DNAAF4: variants seen among roughly 807,000 people sequenced by gnomAD.
The protein encoded by DNAAF4 is dynein assembly factor 4, axonemal.
DNAAF4 carries 43 observed loss-of-function variants against 51.8 expected under a neutral mutation model. The observed-to-expected ratio is 0.83, with a 90% CI of 0.65 to 1.07. The LOEUF is 1.07. Among genes scored for constraint, DNAAF4 ranks in the 50% least tolerant of loss-of-function variants. The probability of loss-of-function intolerance (pLI) is 0.00; values close to 1 mark genes in which losing one functional copy is unlikely to be tolerated. For missense variants in DNAAF4, 581 were observed against 493.0 expected, an observed-to-expected ratio of 1.18 and a Z score of -1.69; for synonymous variants, 194 against 165.6, an observed-to-expected ratio of 1.17 and a Z score of -1.32.
At chr15:55,418,545 T>C in intron 7 of DNAAF4, 1 of 1,489,678 alleles carries the variant, frequency 6.7e-7, no homozygotes, top group Non-Finnish European at 9.0e-7. Context: ...ACTCTTGATT[T>C]TCCTAATATT....
At chr15:55,483,844 T>A (rs961541842) in intron 4 of DNAAF4, among the ~76,000 whole-genome samples, 1,039 of 65,200 alleles carry the variant, frequency 0.016, 63 homozygotes, top group African/African-American at 0.031. Flanking sequence ...TTTTTTTTTT[T>A]TTTTTTTTTT....
At chr15:55,418,166 A>AT in intron 7 of DNAAF4, 1 of 1,562,882 alleles carries the variant, frequency 6.4e-7, no homozygotes, top group African/African-American at 1.4e-5. Flanking sequence ...ACTGAATTAA[A>AT]TTTTTTTTTT....
At chr15:55,485,284 T>C (rs11629771) in intron 4 of DNAAF4, among the ~76,000 whole-genome samples, 37,256 of 152,006 alleles carry the variant, frequency 0.25, 5,699 homozygotes, top group Non-Finnish European at 0.35. Flanking sequence ...AAAAGAAAGA[T>C]GGGAGGATTT....
intron 4 of DNAAF4, among the ~76,000 whole-genome samples, chr15:55,485,182 C>T (rs192097537): frequency 2.6e-5 from 4 of 152,010 alleles, no homozygotes; most frequent in African/African-American, 7.3e-5. Flanking sequence ...GCTCTAAGAA[C>T]GGGTTTATGG....
At chr15:55,462,841 A>G (rs771402754) in intron 5 of DNAAF4, among the ~76,000 whole-genome samples, 1 of 152,192 alleles carries the variant, frequency 6.6e-6, no homozygotes, top group Non-Finnish European at 1.5e-5. Flanking sequence ...ACAGAAGTCA[A>G]AACAAAAATC....
At chr15:55,493,483 C>T (rs753717637) in intron 3 of DNAAF4, among the ~76,000 whole-genome samples, 8 of 151,954 alleles carry the variant, frequency 5.3e-5, no homozygotes, top group African/African-American at 1.7e-4. Context: ...TCAGCTTCAG[C>T]GGCAGAAATA....
intron 1 of DNAAF4, among the ~76,000 whole-genome samples, chr15:55,504,497 C>T (rs2141614451): frequency 6.6e-6 from 1 of 152,274 alleles, no homozygotes; most frequent in South Asian, 2.1e-4. Context: ...AAGCTGGAGG[C>T]ATTACACTAC....
At position 55,498,304 on chromosome 15, in the gene DNAAF4, C is replaced by A. The variant is rs369317160; in HGVS notation, c.26G>T (p.Ser9Ile). The A allele has an allele frequency of 6.2e-7, 1 of 1,612,602 alleles. No individual in the cohort carries two copies. Among genetic ancestry groups the A allele is most frequent in the East Asian group, 2.2e-5 (1 of 44,706 alleles). Residue 9 changes from serine (S) to isoleucine (I), a missense_variant, in exon 2 of 10, where the codon AGC (serine) becomes ATC (isoleucine). Coordinates refer to ENST00000321149, the MANE Select transcript of DNAAF4 (RefSeq NM_130810.4). ...GACCGCAGTCTTCGTCTGCTGCCAGCTGTAATCGCTAACCTGAAGAGGCAT... is the reference window on the plus strand; with the variant it reads ...GACCGCAGTCTTCGTCTGCTGCCAGATGTAATCGCTAACCTGAAGAGGCAT... MPLQVSDY[S>I]WQQTKTAVFL...
chr15:55,433,874 AT>A (rs2057545191), intron 8 of DNAAF4, among the ~76,000 whole-genome samples: 2 of 29,846 alleles, frequency 6.7e-5, no homozygotes, highest in Admixed American at 1.3e-3. Flanking sequence ...TATTATATAT[AT>A]TACATATATT....
downstream of DNAAF4, among the ~76,000 whole-genome samples, chr15:55,428,351 T>C (rs2057451025): frequency 6.6e-6 from 1 of 152,172 alleles, no homozygotes; most frequent in Non-Finnish European, 1.5e-5. Context: ...GGACTGTCAC[T>C]GTCTTTGTTT....
intron 3 of DNAAF4, among the ~76,000 whole-genome samples, chr15:55,494,443 G>A (rs982860554): frequency 5.3e-5 from 8 of 151,650 alleles, no homozygotes; most frequent in South Asian, 4.2e-4. Flanking sequence ...ATGGAGTCTC[G>A]CTCTGTTGCG....
intron 5 of DNAAF4, 86 bp downstream of exon 5, chr15:55,466,844 C>T: frequency 6.7e-7 from 1 of 1,496,844 alleles, no homozygotes; most frequent in Non-Finnish European, 9.0e-7. Context: ...TAACCTAATG[C>T]TGTGAATAGA....
chr15:55,456,811 T>C (rs1028529139), intron 5 of DNAAF4, among the ~76,000 whole-genome samples: 1 of 152,188 alleles, frequency 6.6e-6, no homozygotes, highest in Non-Finnish European at 1.5e-5. Flanking sequence ...TTTAGGTAGC[T>C]GAGCAAAATA....
chr15:55,483,306 A>G (rs1003918524), intron 4 of DNAAF4, among the ~76,000 whole-genome samples: 2 of 151,780 alleles, frequency 1.3e-5, no homozygotes, highest in African/African-American at 4.8e-5. Flanking sequence ...CATATTGGCC[A>G]GGCTGGTCTC....
intron 4 of DNAAF4, among the ~76,000 whole-genome samples, chr15:55,468,009 A>G (rs537372562): frequency 2.0e-5 from 3 of 152,316 alleles, no homozygotes; most frequent in Admixed American, 2.0e-4. Flanking sequence ...TACTTCAATG[A>G]TCAAAATGTC....
intron 7 of DNAAF4, 63 bp from the exon 8 acceptor site, chr15:55,435,121 A>G (rs2057586555): frequency 2.0e-6 from 3 of 1,499,728 alleles, no homozygotes; most frequent in Non-Finnish European, 1.8e-6. Flanking sequence ...CAGAAATAAT[A>G]TCTAATTGTA....
intron 4 of DNAAF4, among the ~76,000 whole-genome samples, chr15:55,488,967 T>C (rs928214914): frequency 7.9e-5 from 12 of 151,960 alleles, no homozygotes; most frequent in African/African-American, 2.7e-4. Flanking sequence ...CAGGCACCTG[T>C]AGTCCCACCT....
intron 6 of DNAAF4, among the ~76,000 whole-genome samples, chr15:55,449,447 G>A (rs1169543433): frequency 6.7e-6 from 1 of 149,794 alleles, no homozygotes; most frequent in Non-Finnish European, 1.5e-5. Context: ...TGGATCGCCT[G>A]AGGTCAGGAG....
intron 4 of DNAAF4, among the ~76,000 whole-genome samples, chr15:55,488,939 A>G (rs1033150030): frequency 6.6e-6 from 1 of 152,042 alleles, no homozygotes; most frequent in Non-Finnish European, 1.5e-5. Context: ...ATACAAAAAA[A>G]TTAGCCAGGC....
Sources: gnomAD v4.1 joint callset for allele counts (sites outside exome capture counted in the v4.1 genomes callset) on GRCh38, gnomAD v4.1.1 for gene constraint, MANE v1.5 for transcripts, NCBI Gene and HGNC (gene_info 2026-07-23, HGNC 2026-07-21) for gene names.